The following GOSR2 variants were observed in gnomAD, a reference collection of about 807,000 sequenced individuals.
GOSR2 encodes the protein golgi SNAP receptor complex member 2.
In GOSR2, 20 loss-of-function variants were observed where a neutral mutation model predicts 27.9. That is an observed-to-expected ratio of 0.72 (90% confidence interval 0.50 to 1.04). GOSR2 has a LOEUF of 1.04. Among genes scored for constraint, GOSR2 ranks in the 50% least tolerant of loss-of-function variants. GOSR2 has a pLI of 0.00. For missense variants in GOSR2, 261 were observed against 270.5 expected (o/e 0.97, Z 0.25); for synonymous variants, 91 against 98.8 (o/e 0.92, Z 0.47).
chr17:46,936,548 C>T (rs2088401793), intron 5 of GOSR2: 1 of 985,446 alleles, frequency 1.0e-6, no homozygotes, highest in Non-Finnish European at 1.2e-6. Context: ...CGGGATTTTC[C>T]ACCTACACCA....
chr17:46,960,887 G>A (rs1485585530), intron 6 of GOSR2, among the ~76,000 whole-genome samples: 1 of 152,192 alleles, frequency 6.6e-6, no homozygotes, highest in Non-Finnish European at 1.5e-5. Context: ...GTGGCAGCAT[G>A]AAGGAGTATC....
In GOSR2 at chr17:46,935,048, C is replaced by T. The variant is rs1568177389; in HGVS notation, c.356C>T (p.Pro119Leu). 1 of 1,612,580 alleles carries T rather than the reference C, an allele frequency of 6.2e-7. No individual in the cohort carries two copies. Among genetic ancestry groups the T allele is most frequent in the Non-Finnish European group, 8.5e-7 (1 of 1,178,548 alleles). Reference sequence around the variant, plus strand: ...TCACAGGACTCTGACACCACCATACCAATGGACGAATCACTGCAGTTTAAC... The same window carrying T: ...TCACAGGACTCTGACACCACCATACTAATGGACGAATCACTGCAGTTTAAC... ...FTTNDSDTTI[P>L]MDESLQFNSS... is the part of the protein sequence containing the mutation. The change falls in exon 5 of 6, where the codon CCA (proline) becomes CTA (leucine). Residue 119 changes from proline to leucine, a missense_variant. Coordinates refer to ENST00000640051, the MANE Select transcript of GOSR2 (RefSeq NM_004287.5).
At chr17:46,936,002 G>A in intron 5 of GOSR2, 2 of 985,878 alleles carry the variant, frequency 2.0e-6, no homozygotes, top group Non-Finnish European at 2.4e-6. Context: ...ATCATGTTGA[G>A]TCTGTCAGCT....
intron 6 of GOSR2, chr17:46,949,283 A>T (rs1018960405): frequency 7.2e-5 from 11 of 152,298 alleles, no homozygotes; most frequent in Admixed American, 1.3e-4. Context: ...ATCCTCTGGA[A>T]CACCTGCACA....
chr17:46,927,895 A>T (rs2086726063), intron 1 of GOSR2, among the ~76,000 whole-genome samples: 1 of 151,932 alleles, frequency 6.6e-6, no homozygotes, highest in Non-Finnish European at 1.5e-5. Flanking sequence ...ACCAACTTTC[A>T]GATTTTTCTG....
chr17:46,958,741 G>A lies in GOSR2; in HGVS notation c.584-7793G>A, dbSNP rs142527139. Among the ~76,000 whole-genome samples the A allele has an allele frequency of 9.2e-5, 14 of 152,288 alleles. 1 individual carries two copies. The highest frequency in any genetic ancestry group is 6.2e-4 in the South Asian group (3 of 4,820). On this transcript the variant is annotated intron_variant, in intron 6 of 6. Coordinates refer to the GOSR2 transcript ENST00000573224. ...ACAGTGAGAGATGGAGCCAACTTCCGGCGAAGTCAAAGGTTCTGGGACATT... is the reference window on the plus strand; with the variant it reads ...ACAGTGAGAGATGGAGCCAACTTCCAGCGAAGTCAAAGGTTCTGGGACATT...
chr17:46,930,372 CTTTG>C, intron 2 of GOSR2: 1 of 152,380 alleles, frequency 6.6e-6, no homozygotes. Context: ...GTTCATCGGA[CTTTG>C]TTTGCCTTCT....
At chr17:46,931,021 A>C in intron 2 of GOSR2, 78 bp from the exon 3 acceptor site, 2 of 842,694 alleles carry the variant, frequency 2.4e-6, no homozygotes, top group East Asian at 4.8e-5. Context: ...ATATTGAAAA[A>C]AAAATCTGTG....
intron 6 of GOSR2, among the ~76,000 whole-genome samples, chr17:46,957,887 G>T (rs2090822456): frequency 6.6e-6 from 1 of 152,182 alleles, no homozygotes; most frequent in South Asian, 2.1e-4. Flanking sequence ...CGGAGGCAAG[G>T]CACTCACCCA....
downstream of GOSR2, among the ~76,000 whole-genome samples, chr17:46,942,571 GCAT>G (rs1344695580): frequency 6.6e-6 from 1 of 152,220 alleles, no homozygotes; most frequent in Non-Finnish European, 1.5e-5. Flanking sequence ...CAGCCTGCTG[GCAT>G]GGACTATAGA....
Position 46,939,297 on chromosome 17 carries a change from G to A in GOSR2, c.*537G>A. On this transcript the variant is annotated 3_prime_UTR_variant, in exon 6 of 6. Transcript: ENST00000640051. ...CTCAGTGACATGTAGATGACTGACT[G>A]CCAATACTTGTCACCATTCCCTGGA... 1 of 1,015,142 alleles carries A rather than the reference G, an allele frequency of 9.9e-7. No individual in the cohort carries two copies. Among genetic ancestry groups the A allele is most frequent in the Non-Finnish European group, 1.2e-6 (1 of 845,668 alleles). The allele number at this position is 1,015,142 out of a possible 1,614,324, so 62.9% of individuals were successfully genotyped here.
At chr17:46,970,777 G>T (rs2091384369), downstream of GOSR2, among the ~76,000 whole-genome samples, 1 of 152,232 alleles carries the variant, frequency 6.6e-6, no homozygotes, top group African/African-American at 2.4e-5. Context: ...ACAAGCCTGA[G>T]AAGGATGGCT....
At chr17:46,929,427 A>G in intron 1 of GOSR2, 93 bp from the exon 2 acceptor site, 2 of 763,398 alleles carry the variant, frequency 2.6e-6, no homozygotes, top group Non-Finnish European at 4.8e-6. Flanking sequence ...GATTTAAATC[A>G]GTTACATGTT....
chr17:46,971,967 C>T (rs2091396997), downstream of GOSR2, among the ~76,000 whole-genome samples: 1 of 152,222 alleles, frequency 6.6e-6, no homozygotes, highest in Admixed American at 6.5e-5. Context: ...GTCACACTTA[C>T]AGCCAGGCCT....
At chr17:46,952,031 T>G (rs2090394230) in intron 6 of GOSR2, among the ~76,000 whole-genome samples, 1 of 152,208 alleles carries the variant, frequency 6.6e-6, no homozygotes, top group African/African-American at 2.4e-5. Flanking sequence ...ATATATTGCA[T>G]CAGGGAGAGG....
At chr17:46,964,305 GCTCT>G (rs1304791340) in intron 6 of GOSR2, 2 of 152,242 alleles carry the variant, frequency 1.3e-5, no homozygotes, top group African/African-American at 4.8e-5. Flanking sequence ...CTCCTCCAGG[GCTCT>G]CTGACATCCA....
At chr17:46,958,708 A>G (rs960156130) in intron 6 of GOSR2, among the ~76,000 whole-genome samples, 5 of 152,216 alleles carry the variant, frequency 3.3e-5, no homozygotes, top group African/African-American at 1.2e-4. Context: ...AGAGGTCCTC[A>G]CAGGGGCACA....
intron 6 of GOSR2, among the ~76,000 whole-genome samples, chr17:46,957,759 T>C (rs1195365675): frequency 6.6e-6 from 1 of 152,144 alleles, no homozygotes; most frequent in African/African-American, 2.4e-5. Context: ...TTTGAACCTG[T>C]ATTTGGTAGA....
At chr17:46,946,533 G>A (rs1452670971), downstream of GOSR2, among the ~76,000 whole-genome samples, 1 of 150,026 alleles carries the variant, frequency 6.7e-6, no homozygotes, top group African/African-American at 2.4e-5. Context: ...AATAGCTCAA[G>A]CTCAGTATTG....
Sources: gnomAD v4.1 joint callset for allele counts (sites outside exome capture counted in the v4.1 genomes callset) on GRCh38, gnomAD v4.1.1 for gene constraint, MANE v1.5 for transcripts, NCBI Gene and HGNC (gene_info 2026-07-23, HGNC 2026-07-21) for gene names.